Variants in APOLD1 observed in about 807,000 individuals in gnomAD.
APOLD1 encodes the protein apolipoprotein L domain containing 1, also known as apolipoprotein L domain-containing protein 1.
APOLD1 carries 22 observed loss-of-function variants against 15.3 expected under a neutral mutation model. That is an observed-to-expected ratio of 1.44 (90% CI 1.03 to 2.05). APOLD1 has a LOEUF of 2.05. Among genes scored for constraint, APOLD1 ranks in the 30% most tolerant of loss-of-function variants. APOLD1 has a pLI of 0.00. For synonymous variants in APOLD1, 190 were observed against 167.4 expected (o/e 1.13, Z -1.04); for missense variants, 394 against 353.5 (o/e 1.11, Z -0.92).
chr12:12,732,264 A>T (rs1008052325), intron 1 of APOLD1, among the ~76,000 whole-genome samples: 1 of 152,276 alleles, frequency 6.6e-6, no homozygotes, highest in African/African-American at 2.4e-5. Flanking sequence ...AAAATATTAA[A>T]TCTCCCTTAC....
intron 1 of APOLD1, among the ~76,000 whole-genome samples, chr12:12,780,364 C>T (rs1947070089): frequency 6.6e-6 from 1 of 151,778 alleles, no homozygotes; most frequent in African/African-American, 2.4e-5. Flanking sequence ...CCAGCTTAGC[C>T]TCCCAAGTAC....
chr12:12,750,280 G>T (rs2136379285), intron 1 of APOLD1, among the ~76,000 whole-genome samples: 1 of 146,122 alleles, frequency 6.8e-6, no homozygotes, highest in South Asian at 2.2e-4. Context: ...GCTGAGGCAG[G>T]AGAATCGCTT....
chr12:12,786,957 C>A lies in APOLD1; in HGVS notation c.52C>A (p.Arg18=). ...GGAGCCGCATGGGCCCGACGCGCTG[C>A]GGCGCTTCCAGGGACTGCTGCTGGA... ...AREPHGPDAL[R]RFQGLLLDRR... is the part of the protein sequence containing the mutation. The change falls in exon 2 of 2, where the codon CGG becomes AGG. Residue 18 remains arginine, a synonymous_variant. Transcript: ENST00000356591. 1.4e-6 allele frequency: 2 copies of A among 1,459,488 alleles called. No homozygotes were observed. The highest frequency in any genetic ancestry group is 2.7e-5 in the Admixed American group (1 of 37,716). 90.4% of individuals were successfully genotyped at this position (1,459,488 alleles called of 1,614,324 possible).
chr12:12,733,542 T>C (rs1946659907), intron 1 of APOLD1, among the ~76,000 whole-genome samples: 1 of 152,232 alleles, frequency 6.6e-6, no homozygotes, highest in Non-Finnish European at 1.5e-5. Context: ...TAAACATTTA[T>C]GTACTGTTTG....
upstream of APOLD1, among the ~76,000 whole-genome samples, chr12:12,785,449 C>T (rs1053529741): frequency 1.1e-4 from 16 of 152,146 alleles, no homozygotes; most frequent in South Asian, 2.1e-4. Flanking sequence ...TCTCTTCCTG[C>T]GTTCAGGGGA....
intron 1 of APOLD1, among the ~76,000 whole-genome samples, chr12:12,732,624 C>T (rs1270544434): frequency 6.6e-6 from 1 of 150,910 alleles, no homozygotes; most frequent in African/African-American, 2.4e-5. Flanking sequence ...ACTTGGGAGG[C>T]TGAGGCAGGA....
intron 1 of APOLD1, among the ~76,000 whole-genome samples, chr12:12,761,220 TCTTTC>T (rs1281448016): frequency 2.0e-5 from 3 of 152,256 alleles, no homozygotes; most frequent in Non-Finnish European, 4.4e-5. Flanking sequence ...GAAATTGTTC[TCTTTC>T]CTTGAAATAA....
At chr12:12,780,567 A>G (rs559775870) in intron 1 of APOLD1, among the ~76,000 whole-genome samples, 2 of 149,888 alleles carry the variant, frequency 1.3e-5, no homozygotes, top group African/African-American at 4.9e-5. Context: ...AGTTGTCTCA[A>G]TTTTATTTTT....
chr12:12,733,296 G>A (rs556375762), intron 1 of APOLD1, among the ~76,000 whole-genome samples: 1 of 152,144 alleles, frequency 6.6e-6, no homozygotes, highest in South Asian at 2.1e-4. Context: ...CTGCACTCCA[G>A]CCTGGGTGGC....
intron 1 of APOLD1, among the ~76,000 whole-genome samples, chr12:12,774,711 A>C (rs1481088172): frequency 1.3e-5 from 2 of 152,104 alleles, no homozygotes; most frequent in African/African-American, 4.8e-5. Flanking sequence ...GTCCCAAATC[A>C]TATGTCATCA....
At chr12:12,785,153 C>G (rs544057404), upstream of APOLD1, among the ~76,000 whole-genome samples, 1 of 152,322 alleles carries the variant, frequency 6.6e-6, no homozygotes, top group South Asian at 2.1e-4. Flanking sequence ...GTACCCGCTG[C>G]ATGCCAAATG....
At position 12,736,278 on chromosome 12, in the gene APOLD1, G is replaced by C. The variant is rs770420462; in HGVS notation, c.96+10182G>C. Reference sequence around the variant, plus strand: ...AGGCAGGAGAACTGCTTGAACCCAGGAGGAGGAGGTTGCGGTGAGCCAAGA... The same window carrying C: ...AGGCAGGAGAACTGCTTGAACCCAGCAGGAGGAGGTTGCGGTGAGCCAAGA... On this transcript the variant is annotated intron_variant, in intron 1 of 1. Transcript: ENST00000326765. Among the ~76,000 whole-genome samples the C allele has an allele frequency of 3.9e-5, 6 of 152,290 alleles. No individual in the cohort carries two copies. In the East Asian group the frequency reaches 9.6e-4, roughly 24 times the overall value.
chr12:12,764,806 G>A, intron 1 of APOLD1: 2 of 386,508 alleles, frequency 5.2e-6, no homozygotes, highest in African/African-American at 2.1e-5. Flanking sequence ...TGAAGAGTAA[G>A]GAAGGCCACA....
chr12:12,773,737 G>A (rs1280415523), intron 1 of APOLD1, among the ~76,000 whole-genome samples: 3 of 152,152 alleles, frequency 2.0e-5, no homozygotes, highest in Non-Finnish European at 4.4e-5. Flanking sequence ...ATTGGTGAAA[G>A]ACTAGAAAAA....
intron 1 of APOLD1, among the ~76,000 whole-genome samples, chr12:12,737,940 T>C (rs985794394): frequency 1.3e-5 from 2 of 152,170 alleles, no homozygotes; most frequent in African/African-American, 4.8e-5. Context: ...CAATAATGAG[T>C]GCCTACTATG....
At chr12:12,786,559 A>G (rs1438070113) in intron 1 of APOLD1, 2 of 627,886 alleles carry the variant, frequency 3.2e-6, no homozygotes, top group Admixed American at 1.3e-4. Flanking sequence ...CAAAGGCCTC[A>G]GTACTGGAGA....
In APOLD1 at chr12:12,780,563, CTCAATTTTATTTTTTATT is replaced by C. The variant is rs577670752; in HGVS notation, c.97-6333_97-6316del. ...ACTAAACCTCACATTTACAAGTTGT[CTCAATTTTATTTTTTATT>C]TCAATTTTATTTATTTATTTATTTT... On this transcript the variant is annotated intron_variant, in intron 1 of 1. Coordinates refer to the APOLD1 transcript ENST00000326765. Among the ~76,000 whole-genome samples the C allele has an allele frequency of 2.3e-3, 344 of 151,098 alleles. 2 individuals carry two copies. The highest frequency in any genetic ancestry group is 7.6e-3 in the African/African-American group (312 of 41,304).
At position 12,788,581 on chromosome 12, in the gene APOLD1, C is replaced by T. The variant is rs1422109663; in HGVS notation, c.*929C>T. 2 of 152,156 alleles carry T rather than the reference C, an allele frequency of 1.3e-5. No homozygotes were observed. The highest frequency in any genetic ancestry group is 2.9e-5 in the Non-Finnish European group (2 of 68,046). The allele number at this position is 152,156 out of a possible 1,614,324, so 9.4% of individuals were successfully genotyped here. A position where few individuals can be genotyped will look rare whatever the true frequency, so the allele number is the denominator to read the frequency against. ...AGTGCCTAGCATGATGGTGCTGGCT[C>T]ATATAGTGTAGTCCCTGGAATGGCA... On this transcript the variant is annotated 3_prime_UTR_variant, in exon 2 of 2. Transcript: ENST00000356591.
At chr12:12,786,130 G>C (rs1413338292) in intron 1 of APOLD1, among the ~76,000 whole-genome samples, 1 of 152,028 alleles carries the variant, frequency 6.6e-6, no homozygotes, top group East Asian at 1.9e-4. Context: ...AAAAATTTTG[G>C]CCACTTTATT....
Sources: gnomAD v4.1 joint callset for allele counts (sites outside exome capture counted in the v4.1 genomes callset) on GRCh38, gnomAD v4.1.1 for gene constraint, MANE v1.5 for transcripts, NCBI Gene and HGNC (gene_info 2026-07-23, HGNC 2026-07-21) for gene names.